ADAMTS18: variants seen among roughly 807,000 people sequenced by gnomAD.
ADAMTS18 encodes the protein A disintegrin and metalloproteinase with thrombospondin motifs 18.
Under a neutral mutation model 165.9 loss-of-function variants are expected in ADAMTS18, and 157 were observed. That is an observed-to-expected ratio of 0.95 (90% CI 0.83 to 1.08). The LOEUF is 1.08. Ranked by LOEUF, ADAMTS18 falls within the 50% of genes least tolerant of loss-of-function variation. ADAMTS18 has a pLI of 0.00. For synonymous variants in ADAMTS18, 782 were observed against 578.2 expected, an observed-to-expected ratio of 1.35 and a Z score of -5.06; for missense variants, 2,040 against 1,534.0, an observed-to-expected ratio of 1.33 and a Z score of -5.51.
chr16:77,331,306 A>C (rs1382307590), intron 12 of ADAMTS18, among the ~76,000 whole-genome samples: 1 of 152,154 alleles, frequency 6.6e-6, no homozygotes, highest in Non-Finnish European at 1.5e-5. Context: ...TTCTTGGGAA[A>C]ATATTGAGAT....
chr16:77,335,767 G>T lies in ADAMTS18; in HGVS notation c.1848C>A (p.Cys616Ter). 1 of 1,614,208 alleles carries T rather than the reference G, an allele frequency of 6.2e-7. No homozygotes were observed. The highest frequency in any genetic ancestry group is 8.5e-7 in the Non-Finnish European group (1 of 1,180,032). The part of the protein sequence containing the change: ...GGGVKFQERH[C>*]NNPKPQYGGL... ...TGCTGGAGGCTTACTTGGGGTTATT[G>T]CAGTGTCTCTCCTGGAACTTGACTC... The change falls in exon 12 of 23, where the codon TGC becomes TGA. Residue 616 changes from cysteine (C) to a stop codon, truncating the protein, a stop_gained. Coordinates refer to ENST00000282849, the MANE Select transcript of ADAMTS18 (RefSeq NM_199355.4). LOFTEE classifies it high-confidence loss of function.
intron 12 of ADAMTS18, among the ~76,000 whole-genome samples, chr16:77,329,102 CTCTT>C (rs1206466789): frequency 1.3e-5 from 2 of 151,322 alleles, no homozygotes; most frequent in East Asian, 3.9e-4. Flanking sequence ...GGGAGATTCT[CTCTT>C]TTTTTTTTTT....
intron 7 of ADAMTS18, among the ~76,000 whole-genome samples, chr16:77,359,885 A>G (rs987240448): frequency 5.9e-5 from 9 of 152,196 alleles, no homozygotes; most frequent in African/African-American, 2.2e-4. Flanking sequence ...CTTTTACTAG[A>G]GCAGAAAACA....
At chr16:77,329,788 T>C (rs538699303) in intron 12 of ADAMTS18, among the ~76,000 whole-genome samples, 1 of 152,258 alleles carries the variant, frequency 6.6e-6, no homozygotes, top group South Asian at 2.1e-4. Context: ...AACAGACAAT[T>C]CTATCATGAT....
At chr16:77,410,636 G>A (rs144158739) in intron 3 of ADAMTS18, among the ~76,000 whole-genome samples, 54 of 152,196 alleles carry the variant, frequency 3.5e-4, no homozygotes, top group South Asian at 6.2e-4. Flanking sequence ...CAAGTCTCTC[G>A]ACCCCCCTAC....
Position 77,319,846 on chromosome 16 carries a change from T to C in ADAMTS18, c.2532+3A>G. The C allele has an allele frequency of 6.2e-7, 1 of 1,614,106 alleles. No homozygotes were observed. Among genetic ancestry groups the C allele is most frequent in the Non-Finnish European group, 8.5e-7 (1 of 1,179,992 alleles). ...GAGAACTGAATACACAGAAGGGGCTTACTTCAAAGACCAGCGTCTCATTTG... is the reference window on the plus strand; with the variant it reads ...GAGAACTGAATACACAGAAGGGGCTCACTTCAAAGACCAGCGTCTCATTTG... On this transcript the variant is annotated splice_donor_region_variant and intron_variant, in intron 16 of 22. Transcript: ENST00000282849.
intron 6 of ADAMTS18, 48 bp downstream of exon 6, chr16:77,363,754 T>C (rs1183057682): frequency 1.3e-6 from 2 of 1,561,738 alleles, no homozygotes; most frequent in Non-Finnish European, 1.8e-6. Flanking sequence ...AAGAAATGTA[T>C]TCTGAACGGC....
chr16:77,388,279 TA>T (rs1459642046), intron 3 of ADAMTS18, among the ~76,000 whole-genome samples: 4 of 152,142 alleles, frequency 2.6e-5, no homozygotes, highest in Non-Finnish European at 5.9e-5. Flanking sequence ...TTTGTATTTT[TA>T]TTGGAGATGG....
intron 5 of ADAMTS18, 144 bp from the exon 6 acceptor site, chr16:77,364,029 TA>T (rs905867000): frequency 7.1e-6 from 9 of 1,271,722 alleles, no homozygotes; most frequent in African/African-American, 6.0e-5. Flanking sequence ...AAACTCAACT[TA>T]AAAAAATAAA....
At chr16:77,401,271 A>G (rs2057328474) in intron 3 of ADAMTS18, among the ~76,000 whole-genome samples, 1 of 152,052 alleles carries the variant, frequency 6.6e-6, no homozygotes, top group Admixed American at 6.5e-5. Context: ...CAACAATAAC[A>G]ACAACAACAA....
chr16:77,314,420 C>A (rs2144623749), intron 16 of ADAMTS18, among the ~76,000 whole-genome samples: 1 of 151,798 alleles, frequency 6.6e-6, no homozygotes, highest in Admixed American at 6.6e-5. Flanking sequence ...CCAGCGTGAC[C>A]AACATGGTGA....
intron 2 of ADAMTS18, among the ~76,000 whole-genome samples, chr16:77,433,910 C>G (rs760935814): frequency 1.3e-5 from 2 of 151,884 alleles, no homozygotes; most frequent in Non-Finnish European, 1.5e-5. Context: ...GCTTTCCTCT[C>G]TCTAAAAGCA....
intron 3 of ADAMTS18, among the ~76,000 whole-genome samples, chr16:77,392,950 C>G (rs1360183882): frequency 6.6e-6 from 1 of 151,806 alleles, no homozygotes. Context: ...GTATGGAGAG[C>G]TCATGGTATC....
intron 3 of ADAMTS18, among the ~76,000 whole-genome samples, chr16:77,396,990 G>C (rs987532569): frequency 6.6e-6 from 1 of 151,866 alleles, no homozygotes; most frequent in Non-Finnish European, 1.5e-5. Context: ...TGTATTTTTA[G>C]TAGAGCTAAG....
At position 77,325,849 on chromosome 16, in the gene ADAMTS18, C is replaced by A; in HGVS notation, c.2032+17G>T. Reference sequence around the variant, plus strand: ...TCCACATAGAGACTTATTTGAATGTCATAGAGACCAAATTACCTTCCACTT... The same window carrying A: ...TCCACATAGAGACTTATTTGAATGTAATAGAGACCAAATTACCTTCCACTT... On this transcript the variant is annotated intron_variant, in intron 13 of 22. Transcript: ENST00000282849. 6.2e-7 allele frequency: 1 copy of A among 1,608,036 alleles called. No individual in the cohort carries two copies. The highest frequency in any genetic ancestry group is 1.1e-5 in the South Asian group (1 of 90,762).
intron 3 of ADAMTS18, among the ~76,000 whole-genome samples, chr16:77,402,000 A>G (rs1380505817): frequency 2.0e-5 from 3 of 152,128 alleles, no homozygotes; most frequent in Admixed American, 1.3e-4. Flanking sequence ...GTCAAATCAC[A>G]TCACTATCTT....
chr16:77,298,002 G>A (rs1005158892), intron 17 of ADAMTS18, among the ~76,000 whole-genome samples: 8 of 128,634 alleles, frequency 6.2e-5, no homozygotes, highest in Non-Finnish European at 1.1e-4. Context: ...TTGGCTCACT[G>A]CAACCTCTGC....
At chr16:77,375,856 G>T (rs1232031094) in intron 3 of ADAMTS18, among the ~76,000 whole-genome samples, 1 of 151,364 alleles carries the variant, frequency 6.6e-6, no homozygotes, top group African/African-American at 2.4e-5. Flanking sequence ...CATGGCAGAA[G>T]GCAAAGGGTT....
chr16:77,339,755 G>T (rs12051418), intron 11 of ADAMTS18, among the ~76,000 whole-genome samples: 13,411 of 152,016 alleles, frequency 0.088, 868 homozygotes, highest in East Asian at 0.27. Context: ...ACATTTTCAA[G>T]AACAGTCCTC....
Sources: gnomAD v4.1 joint callset for allele counts (sites outside exome capture counted in the v4.1 genomes callset) on GRCh38, gnomAD v4.1.1 for gene constraint, MANE v1.5 for transcripts, NCBI Gene and HGNC (gene_info 2026-07-23, HGNC 2026-07-21) for gene names.